Variants in ABCA13 observed in about 807,000 individuals in gnomAD.
ABCA13 encodes ATP-binding cassette sub-family A member 13.
In ABCA13, 476 loss-of-function variants were observed where a neutral mutation model predicts 478.7. The observed-to-expected ratio is 0.99, with a 90% CI of 0.92 to 1.07. The LOEUF is 1.07. ABCA13 is among the 50% of genes least tolerant of loss of function. The pLI is 0.00. For missense variants in ABCA13, 6,060 were observed against 5,910.6 expected (o/e 1.03, Z -0.83); for synonymous variants, 2,252 against 2,158.9 (o/e 1.04, Z -1.20).
intron 1 of ABCA13, among the ~76,000 whole-genome samples, chr7:48,177,790 A>T (rs900957187): frequency 6.6e-6 from 1 of 152,224 alleles, no homozygotes; most frequent in Non-Finnish European, 1.5e-5. Flanking sequence ...GTTTGGCTAG[A>T]TGAGAAGATA....
chr7:48,506,701 G>A (rs1049113587), intron 49 of ABCA13, among the ~76,000 whole-genome samples: 3 of 152,230 alleles, frequency 2.0e-5, no homozygotes, highest in African/African-American at 4.8e-5. Context: ...AAGAGTTTTC[G>A]GGGTTAAAAT....
chr7:48,257,529 C>T (rs757062815), intron 15 of ABCA13, among the ~76,000 whole-genome samples: 10 of 152,266 alleles, frequency 6.6e-5, no homozygotes, highest in Admixed American at 1.3e-4. Context: ...TGAATTTTAT[C>T]AATAGCCTTT....
chr7:48,627,358 C>T (rs1034696128), intron 59 of ABCA13, among the ~76,000 whole-genome samples: 2 of 152,230 alleles, frequency 1.3e-5, no homozygotes, highest in African/African-American at 4.8e-5. Context: ...TGGGCACCTG[C>T]GTGATGAAAC....
intron 48 of ABCA13, among the ~76,000 whole-genome samples, chr7:48,491,125 C>G (rs1193743414): frequency 6.6e-6 from 1 of 152,192 alleles, no homozygotes; most frequent in East Asian, 1.9e-4. Context: ...GAGATGTTTT[C>G]AAGGAAGGGG....
intron 57 of ABCA13, among the ~76,000 whole-genome samples, chr7:48,591,050 G>T (rs1585905439): frequency 6.6e-6 from 1 of 151,142 alleles, no homozygotes; most frequent in East Asian, 1.9e-4. Context: ...GCAAAACATT[G>T]CCAAGACCAA....
chr7:48,208,282 G>C (rs964115144), intron 3 of ABCA13, among the ~76,000 whole-genome samples: 1 of 151,770 alleles, frequency 6.6e-6, no homozygotes, highest in African/African-American at 2.4e-5. Context: ...TTAGGTCTTT[G>C]TAGCTGCATA....
At chr7:48,633,154 A>C (rs967505744) in intron 59 of ABCA13, among the ~76,000 whole-genome samples, 1 of 152,206 alleles carries the variant, frequency 6.6e-6, no homozygotes, top group East Asian at 1.9e-4. Context: ...AATAGGAAAA[A>C]TTTACCTGAT....
intron 42 of ABCA13, among the ~76,000 whole-genome samples, chr7:48,447,929 T>C (rs943501285): frequency 6.6e-6 from 1 of 152,208 alleles, no homozygotes; most frequent in Non-Finnish European, 1.5e-5. Context: ...TGGGCTCAGG[T>C]TGAAGAGAAG....
chr7:48,594,649 T>C (rs1003244555), intron 57 of ABCA13, 61 bp from the exon 58 acceptor site: 1 of 1,472,774 alleles, frequency 6.8e-7, no homozygotes, highest in African/African-American at 1.4e-5. Context: ...TCCCATGTCA[T>C]TGTGTATATT....
At chr7:48,502,571 G>A (rs1340880184) in intron 48 of ABCA13, among the ~76,000 whole-genome samples, 1 of 152,146 alleles carries the variant, frequency 6.6e-6, no homozygotes, top group Admixed American at 6.5e-5. Flanking sequence ...CCCACTGTAT[G>A]GCTATAGTCT....
At chr7:48,465,058 C>T (rs184394588) in intron 43 of ABCA13, among the ~76,000 whole-genome samples, 2 of 152,246 alleles carry the variant, frequency 1.3e-5, no homozygotes, top group African/African-American at 2.4e-5. Flanking sequence ...AACAGTGGTT[C>T]TCCTGGTCTG....
In ABCA13 at chr7:48,172,797, C is replaced by CAAA. The variant is rs36196847; in HGVS notation, c.69+1281_69+1283dup. ...TGGGCGACAGAGCGAGACTCCGTCT[C>CAAA]AAAAAAAAAAAAAAAAAAAAAAAAA... On this transcript the variant is annotated intron_variant, in intron 1 of 61. Transcript: ENST00000435803. Among the ~76,000 whole-genome samples the CAAA allele has an allele frequency of 8.6e-4, 65 of 75,542 alleles. 5 individuals are homozygous for CAAA. The highest frequency in any genetic ancestry group is 3.1e-3 in the African/African-American group (57 of 18,616). The allele number at this position is 75,542 out of a possible 152,430, so 49.6% of individuals were successfully genotyped here.
chr7:48,539,682 T>C (rs1429579298), intron 55 of ABCA13, among the ~76,000 whole-genome samples: 3 of 152,222 alleles, frequency 2.0e-5, no homozygotes, highest in Non-Finnish European at 4.4e-5. Flanking sequence ...AGAATTTCCC[T>C]TTTTTATTCT....
intron 44 of ABCA13, among the ~76,000 whole-genome samples, chr7:48,468,669 T>C (rs1827148992): frequency 6.6e-6 from 1 of 152,260 alleles, no homozygotes; most frequent in Non-Finnish European, 1.5e-5. Flanking sequence ...TTTGATGATA[T>C]CTACATTTTA....
Position 48,314,383 on chromosome 7 carries a change from A to T in ABCA13, c.9833A>T (p.Glu3278Val). Residue 3278 changes from glutamate to valine, a missense_variant, in exon 26 of 62, where the codon GAA becomes GTA. By Grantham distance (121) the Glu-to-Val change is moderately radical. This residue lies in a region of ABCA13 where 4,423 missense variants were observed against 4,309.1 expected (regional missense o/e 1.03). Transcript: ENST00000435803. ...RVKELLEDDK[E>V]KFNIPEDSTP... is the part of the protein sequence containing the mutation. ...AAGGAACTCTTGGAAGATGACAAAG[A>T]AAAATTCAACATTCCTGAAGATTCA... 3.7e-6 allele frequency: 6 copies of T among 1,600,182 alleles called. No homozygotes were observed. Among genetic ancestry groups the T allele is most frequent in the Non-Finnish European group, 4.3e-6 (5 of 1,172,628 alleles).
intron 42 of ABCA13, among the ~76,000 whole-genome samples, chr7:48,449,487 GA>G (rs1382309261): frequency 2.0e-5 from 3 of 152,164 alleles, no homozygotes; most frequent in Admixed American, 2.0e-4. Context: ...ATCTAACAGG[GA>G]AGAAAATTAC....
intron 42 of ABCA13, among the ~76,000 whole-genome samples, chr7:48,449,206 A>G: frequency 6.6e-6 from 1 of 152,102 alleles, no homozygotes; most frequent in African/African-American, 2.4e-5. Flanking sequence ...TTTTGTTAGT[A>G]AGCACCCACA....
rs1880738 is a variant in ABCA13, at chr7:48,245,888, C to T, written c.1517C>T (p.Pro506Leu). The T allele has an allele frequency of 0.44, 702,707 of 1,612,346 alleles. 157,115 individuals are homozygous for T. The highest frequency in any genetic ancestry group is 0.55 in the East Asian group (24,815 of 44,828). Reference sequence around the variant, plus strand: ...ATGTTGGCGAAGAATGCTGTCTGCCCGAATGGTCGTTTCTCTGAGAAGGAG... The same window carrying T: ...ATGTTGGCGAAGAATGCTGTCTGCCTGAATGGTCGTTTCTCTGAGAAGGAG... The part of the protein sequence containing the change: ...KQMLAKNAVC[P>L]NGRFSEKEVF... The change falls in exon 13 of 62, where the codon CCG becomes CTG. Residue 506 changes from proline (P) to leucine (L), a missense_variant. By Grantham distance (98) the Pro-to-Leu change is moderately conservative (BLOSUM62 -3). This residue lies in a region of ABCA13 where 4,423 missense variants were observed against 4,309.1 expected (regional missense o/e 1.03). Transcript: ENST00000435803.
intron 43 of ABCA13, among the ~76,000 whole-genome samples, chr7:48,456,903 A>G (rs935113822): frequency 2.6e-5 from 4 of 152,016 alleles, no homozygotes; most frequent in East Asian, 1.9e-4. Context: ...AGACATTTCT[A>G]TTAGAATTTT....
Sources: gnomAD v4.1 joint callset for allele counts (sites outside exome capture counted in the v4.1 genomes callset) on GRCh38, gnomAD v4.1.1 for gene constraint, gnomAD v4.1.1 regional missense constraint, MANE v1.5 for transcripts, NCBI Gene and HGNC (gene_info 2026-07-23, HGNC 2026-07-21) for gene names.